CACNA1E: variants seen among roughly 807,000 people sequenced by gnomAD.
CACNA1E encodes the protein calcium voltage-gated channel subunit alpha1 E.
In CACNA1E, 40 loss-of-function variants were observed where a neutral mutation model predicts 259.2. The observed-to-expected ratio is 0.15, with a 90% CI of 0.12 to 0.20. CACNA1E has a LOEUF of 0.20. Among genes scored for constraint, CACNA1E ranks in the 10% least tolerant of loss-of-function variants. The pLI is 1.00. For synonymous variants in CACNA1E, 1,104 were observed against 1,138.5 expected (o/e 0.97, Z 0.61); for missense variants, 1,874 against 3,040.1 (o/e 0.62, Z 9.02).
At chr1:181,537,095 C>CTTTTCT (rs1553272478) in intron 3 of CACNA1E, among the ~76,000 whole-genome samples, 1 of 112,644 alleles carries the variant, frequency 8.9e-6, no homozygotes. Context: ...TTTTTCTTTT[C>CTTTTCT]TTTTTTTTTT....
chr1:181,618,137 T>C (rs1307310811), intron 6 of CACNA1E, among the ~76,000 whole-genome samples: 1 of 152,206 alleles, frequency 6.6e-6, no homozygotes, highest in Non-Finnish European at 1.5e-5. Context: ...TGTATGTCTG[T>C]ATTTGTATGA....
intron 3 of CACNA1E, among the ~76,000 whole-genome samples, chr1:181,513,225 T>A (rs1666295082): frequency 1.3e-5 from 2 of 152,126 alleles, no homozygotes; most frequent in African/African-American, 4.8e-5. Flanking sequence ...GAAAAAAAAA[T>A]TCACTGATTC....
intron 8 of CACNA1E, among the ~76,000 whole-genome samples, chr1:181,714,256 A>C (rs912182312): frequency 6.6e-6 from 1 of 152,132 alleles, no homozygotes; most frequent in African/African-American, 2.4e-5. Flanking sequence ...GACTCACAGA[A>C]CTTTGGCAAA....
intron 39 of CACNA1E, among the ~76,000 whole-genome samples, chr1:181,783,219 C>G (rs1470836280): frequency 6.6e-6 from 1 of 152,206 alleles, no homozygotes; most frequent in African/African-American, 2.4e-5. Context: ...AAAGCAAAAT[C>G]TCATTTCTCA....
intron 1 of CACNA1E, among the ~76,000 whole-genome samples, chr1:181,327,889 G>T (rs34312359): frequency 2.0e-5 from 3 of 152,198 alleles, no homozygotes. Flanking sequence ...CTTTGTCCTA[G>T]GCTGGCCTGG....
At position 181,733,543 on chromosome 1, in the gene CACNA1E, G is replaced by A. The variant is rs547399351; in HGVS notation, c.3055G>A (p.Val1019Met). ...PHPELEVGKH[V>M]VLTEQEPEGS... ...TCCTGAGCTGGAAGTGGGGAAGCAC[G>A]TGGTGCTGACGGAGCAGGAGCCAGA... The change falls in exon 21 of 48, where the codon GTG (valine) becomes ATG (methionine). Residue 1019 changes from valine to methionine, a missense_variant. Val to Met is a conservative substitution (Grantham distance 21, BLOSUM62 1). Transcript: ENST00000367573. The A allele has an allele frequency of 1.1e-4, 173 of 1,612,382 alleles. 2 individuals carry two copies. The Middle Eastern group carries it at 2.0e-3, about 18-fold the overall frequency.
rs2101952450 is a variant in CACNA1E, at chr1:181,370,125, A to G, written c.-14-43008A>G. Among the ~76,000 whole-genome samples the G allele has an allele frequency of 1.3e-5, 2 of 150,252 alleles. 1 individual carries two copies. The highest frequency in any genetic ancestry group is 4.2e-4 in the South Asian group (2 of 4,724). On this transcript the variant is annotated intron_variant, in intron 1 of 11. Transcript: ENST00000524607. ...GACTAGGACATTCAGGGGTGTGGTTAAAAAAAAACAAAATTAAAATACAAT... is the reference window on the plus strand; with the variant it reads ...GACTAGGACATTCAGGGGTGTGGTTGAAAAAAAACAAAATTAAAATACAAT...
At chr1:181,425,998 G>A (rs536262217) in intron 2 of CACNA1E, among the ~76,000 whole-genome samples, 11 of 152,242 alleles carry the variant, frequency 7.2e-5, no homozygotes, top group African/African-American at 2.4e-4. Context: ...TGAGGAACCT[G>A]CAACCCTTCC....
chr1:181,786,841 A>G (rs1212948831), intron 43 of CACNA1E, among the ~76,000 whole-genome samples: 1 of 152,220 alleles, frequency 6.6e-6, no homozygotes. Context: ...AATTGCTCAG[A>G]TCATTGATTT....
At chr1:181,759,772 G>A (rs1658415059) in intron 32 of CACNA1E, among the ~76,000 whole-genome samples, 1 of 152,182 alleles carries the variant, frequency 6.6e-6, no homozygotes, top group Admixed American at 6.5e-5. Flanking sequence ...GCAAGGAGGA[G>A]AACTTTGCTC....
At chr1:181,422,077 C>G (rs2102195990) in intron 2 of CACNA1E, among the ~76,000 whole-genome samples, 2 of 152,338 alleles carry the variant, frequency 1.3e-5, no homozygotes, top group South Asian at 4.1e-4. Context: ...GAATATTTCT[C>G]CAGATCTCAA....
chr1:181,668,367 C>G lies in CACNA1E; in HGVS notation c.1055+16926C>G, dbSNP rs148070635. Among the ~76,000 whole-genome samples the G allele has an allele frequency of 7.7e-3, 1,179 of 152,214 alleles. 10 individuals are homozygous for G. Among genetic ancestry groups the G allele is most frequent in the Admixed American group, 0.024 (366 of 15,286 alleles). On this transcript the variant is annotated intron_variant, in intron 7 of 47. Coordinates refer to ENST00000367573, the MANE Select transcript of CACNA1E (RefSeq NM_001205293.3). Reference sequence around the variant, plus strand: ...AATAGTATTCCATGGTATGGATATACCACGGTTTGTTTCCATGCACTCCTT... The same window carrying G: ...AATAGTATTCCATGGTATGGATATAGCACGGTTTGTTTCCATGCACTCCTT...
rs1283182958 is a variant in CACNA1E at position 181,805,488 on chromosome 1, A to G, written c.*6654A>G. On this transcript the variant is annotated 3_prime_UTR_variant, in exon 48 of 48. Transcript: ENST00000367573. ...ATGTAATATAACTGCCAGTTAAGGT[A>G]GACAGTAGTTGTGGTCTTAGTTACA... The G allele has an allele frequency of 6.6e-6, 1 of 152,252 alleles. No individual in the cohort carries two copies. Among genetic ancestry groups the G allele is most frequent in the Non-Finnish European group, 1.5e-5 (1 of 68,044 alleles). 9.4% of individuals were successfully genotyped at this position (152,252 alleles called of 1,614,324 possible).
chr1:181,366,821 G>A (rs1270470210), intron 1 of CACNA1E, among the ~76,000 whole-genome samples: 12 of 152,220 alleles, frequency 7.9e-5, no homozygotes, highest in Admixed American at 7.9e-4. Flanking sequence ...AATAGTGGTA[G>A]CTATCATCCT....
intron 6 of CACNA1E, 59 bp from the exon 7 acceptor site, chr1:181,651,279 T>G: frequency 8.9e-7 from 1 of 1,119,898 alleles, no homozygotes; most frequent in Middle Eastern, 2.0e-4. Context: ...TGCAAGAATG[T>G]AAGCTTTACT....
chr1:181,619,634 A>G (rs1655546419), intron 6 of CACNA1E, among the ~76,000 whole-genome samples: 1 of 152,194 alleles, frequency 6.6e-6, no homozygotes, highest in African/African-American at 2.4e-5. Context: ...GGCAATTGCA[A>G]TAATATGAGT....
chr1:181,634,507 C>T (rs1657028394), intron 6 of CACNA1E, among the ~76,000 whole-genome samples: 1 of 152,200 alleles, frequency 6.6e-6, no homozygotes, highest in Admixed American at 6.5e-5. Context: ...AACATAGCAA[C>T]AGCAATTATA....
chr1:181,439,877 G>A (rs1024069913), intron 2 of CACNA1E, among the ~76,000 whole-genome samples: 7 of 152,190 alleles, frequency 4.6e-5, no homozygotes, highest in South Asian at 2.1e-4. Context: ...TAATCCAATC[G>A]CAAAAACATT....
chr1:181,423,209 C>G (rs1402968195), intron 2 of CACNA1E, among the ~76,000 whole-genome samples: 4 of 152,128 alleles, frequency 2.6e-5, no homozygotes, highest in Non-Finnish European at 5.9e-5. Flanking sequence ...GCCCAAGGTG[C>G]AGAGGTTGTA....
Sources: gnomAD v4.1 joint callset for allele counts (sites outside exome capture counted in the v4.1 genomes callset) on GRCh38, gnomAD v4.1.1 for gene constraint, MANE v1.5 for transcripts, NCBI Gene and HGNC (gene_info 2026-07-23, HGNC 2026-07-21) for gene names.